Variants in MUC22 observed in about 807,000 individuals in gnomAD.
MUC22 encodes the protein mucin-22.
In MUC22, 24 loss-of-function variants were observed where a neutral mutation model predicts 40.3. The ratio of observed to expected loss-of-function variants is 0.60; its 90% CI spans 0.43 to 0.84. The LOEUF (loss-of-function observed/expected upper bound fraction) is 0.84, where lower values mean the gene tolerates loss of function less well. Among genes scored for constraint, MUC22 ranks in the 40% least tolerant of loss-of-function variants. MUC22 has a pLI of 0.00. For missense variants in MUC22, 1,926 were observed against 2,130.7 expected (o/e 0.90, Z 1.89); for synonymous variants, 765 against 844.5 (o/e 0.91, Z 1.63).
At position 31,010,554 on chromosome 6, in the gene MUC22, AC is replaced by A. The variant is rs1763794996; in HGVS notation, c.-150del. 1 of 608,472 alleles carries A rather than the reference AC, an allele frequency of 1.6e-6. No individual in the cohort carries two copies. Among genetic ancestry groups the A allele is most frequent in the African/African-American group, 1.8e-5 (1 of 54,460 alleles). The allele number at this position is 608,472 out of a possible 1,614,324, so 37.7% of individuals were successfully genotyped here. A position where few individuals can be genotyped will look rare whatever the true frequency, so the allele number is the denominator to read the frequency against. The stretch of plus-strand genomic sequence containing the variant: ...ACCATGCCATCTGCCTACAAGGCTT[AC>A]CCTGGCACTGGCTGGCCTTTGGGTC... On this transcript the variant is annotated 5_prime_UTR_variant, in exon 1 of 4. The change creates a premature stop within an existing upstream ORF in the 5' untranslated region. Coordinates refer to ENST00000561890, the Ensembl canonical transcript of MUC22.
chr6:31,008,938 G>GA (rs1399480602), upstream of MUC22, among the ~76,000 whole-genome samples: 1 of 152,170 alleles, frequency 6.6e-6, no homozygotes, highest in African/African-American at 2.4e-5. Flanking sequence ...GTGTTGATTT[G>GA]ATGAGTATAC....
rs28381569 is a variant in MUC22 at position 31,013,129 on chromosome 6, C to CTTT, written c.70+2365_70+2367dup. Among the ~76,000 whole-genome samples, 917 of 121,366 alleles carry CTTT rather than the reference C, an allele frequency of 7.6e-3. 25 individuals carry two copies. Among genetic ancestry groups the CTTT allele is most frequent in the African/African-American group, 0.023 (834 of 35,606 alleles). The allele number at this position is 121,366 out of a possible 152,430, so 79.6% of individuals were successfully genotyped here. A position where few individuals can be genotyped will look rare whatever the true frequency, so the allele number is the denominator to read the frequency against. Reference sequence around the variant, plus strand: ...CTCCACTCTCCTCCTCACCCCCATTCTTTTTTTTTTTTTTGGAGATGGAGT... The same window carrying CTTT: ...CTCCACTCTCCTCCTCACCCCCATTCTTTTTTTTTTTTTTTTTGGAGATGGAGT... On this transcript the variant is annotated intron_variant, in intron 1 of 3. Coordinates refer to ENST00000561890, the Ensembl canonical transcript of MUC22.
At chr6:31,022,459 CA>C (rs1764917786) in intron 1 of MUC22, among the ~76,000 whole-genome samples, 1 of 148,204 alleles carries the variant, frequency 6.7e-6, no homozygotes. Context: ...GCAAGACTGA[CA>C]TTTTTTTTTA....
chr6:31,010,824 A>G, intron 1 of MUC22, 48 bp downstream of exon 1: 1 of 701,778 alleles, frequency 1.4e-6, no homozygotes. Context: ...GAGGCCACAT[A>G]AGCCCTGAAG....
intron 1 of MUC22, among the ~76,000 whole-genome samples, chr6:31,017,075 C>T (rs1248603996): frequency 1.3e-5 from 2 of 152,256 alleles, no homozygotes; most frequent in Non-Finnish European, 1.5e-5. Flanking sequence ...ATGCCTGAGC[C>T]TCCCCCACGC....
exon 2 of MUC22, chr6:31,025,572 C>T: frequency 6.6e-7 from 1 of 1,525,718 alleles, no homozygotes; most frequent in South Asian, 1.2e-5. Context: ...GCTCTGAGAC[C>T]ACCATGGCCT....
upstream of MUC22, among the ~76,000 whole-genome samples, chr6:31,007,013 G>A (rs975099422): frequency 1.3e-5 from 2 of 152,052 alleles, no homozygotes; most frequent in African/African-American, 4.8e-5. The surrounding 1 kb of genome is among the most constrained non-coding windows in gnomAD (Gnocchi z 4.0). Flanking sequence ...TTTAAAAAAA[G>A]GATAATGATG....
At chr6:31,021,857 C>T (rs1210546003) in intron 1 of MUC22, among the ~76,000 whole-genome samples, 3 of 152,204 alleles carry the variant, frequency 2.0e-5, no homozygotes, top group South Asian at 2.1e-4. Context: ...TCGTTTTCCA[C>T]ACTGTGGAAA....
chr6:31,022,238 T>C (rs909651788), intron 1 of MUC22, among the ~76,000 whole-genome samples: 26 of 152,132 alleles, frequency 1.7e-4, no homozygotes, highest in Non-Finnish European at 2.5e-4. Context: ...AACCCACCAA[T>C]TCCAGACACA....
intron 1 of MUC22, among the ~76,000 whole-genome samples, chr6:31,018,487 A>T (rs3873345): frequency 6.6e-6 from 1 of 152,076 alleles, no homozygotes; most frequent in Admixed American, 6.5e-5. Flanking sequence ...GTTGTGTTGG[A>T]GAGTTACCAC....
chr6:31,016,645 C>T (rs9262470), intron 1 of MUC22, among the ~76,000 whole-genome samples: 22,107 of 152,254 alleles, frequency 0.15, 1,768 homozygotes, highest in African/African-American at 0.19. Context: ...TGCTGGCAGC[C>T]CTCGCTCAGT....
In MUC22 at chr6:31,021,950, C is replaced by T. The variant is rs139956586; in HGVS notation, c.71-3552C>T. Among the ~76,000 whole-genome samples the T allele has an allele frequency of 4.1e-4, 63 of 152,238 alleles. 1 individual carries two copies. The highest frequency in any genetic ancestry group is 6.9e-4 in the Non-Finnish European group (47 of 68,022). ...CTGTTTTTATGATCTGTAACACTCACCGTAAAGGTCTGCAGCTTCACTCCT... is the reference window on the plus strand; with the variant it reads ...CTGTTTTTATGATCTGTAACACTCATCGTAAAGGTCTGCAGCTTCACTCCT... On this transcript the variant is annotated intron_variant, in intron 1 of 3. Coordinates refer to ENST00000561890, the Ensembl canonical transcript of MUC22.
chr6:31,025,365 C>A (rs1324682967), intron 1 of MUC22, 137 bp from the exon 2 acceptor site: 3 of 991,936 alleles, frequency 3.0e-6, no homozygotes, highest in African/African-American at 1.6e-5. Flanking sequence ...AGTAAAATAC[C>A]AGGTACATGT....
chr6:31,010,800 G>A, intron 1 of MUC22, 24 bp downstream of exon 1: 1 of 702,546 alleles, frequency 1.4e-6, no homozygotes, highest in African/African-American at 1.7e-5. Flanking sequence ...CAGTTAAGGA[G>A]GGAGAGGGGC....
chr6:31,022,781 G>T (rs923517694), intron 1 of MUC22, among the ~76,000 whole-genome samples: 1 of 147,598 alleles, frequency 6.8e-6, no homozygotes, highest in Non-Finnish European at 1.5e-5. Context: ...TAGAGCAAAG[G>T]CACACAAATA....
upstream of MUC22, among the ~76,000 whole-genome samples, chr6:31,005,953 C>T (rs1414868533): frequency 6.6e-6 from 1 of 152,016 alleles, no homozygotes; most frequent in Non-Finnish European, 1.5e-5. Flanking sequence ...ACTAAAAATA[C>T]AAAAACTAGC....
In MUC22 at chr6:31,026,332, T is replaced by TC; in HGVS notation, c.906dup (p.Thr303HisfsTer14). The TC allele has an allele frequency of 1.3e-6, 2 of 1,505,606 alleles. No homozygotes were observed. The highest frequency in any genetic ancestry group is 1.8e-6 in the Non-Finnish European group (2 of 1,128,128). The allele number at this position is 1,505,606 out of a possible 1,614,324, so 93.3% of individuals were successfully genotyped here. On this transcript the variant is annotated frameshift_variant, in exon 2 of 4. Transcript: ENST00000561890. LOFTEE classifies it high-confidence loss of function. ...AGCAGGTTCTGAGACCACCACCCCCTCCCCCACAGGCTCTCAGACCACCAT... is the reference window on the plus strand; with the variant it reads ...AGCAGGTTCTGAGACCACCACCCCCTCCCCCCACAGGCTCTCAGACCACCAT...
upstream of MUC22, among the ~76,000 whole-genome samples, chr6:31,007,302 G>A (rs1763582528): frequency 6.6e-6 from 1 of 152,200 alleles, no homozygotes; most frequent in Non-Finnish European, 1.5e-5. This position sits in a 1 kb window ranked among gnomAD's most constrained non-coding sequence, Gnocchi z 4.0. Context: ...AGCTGAAGAA[G>A]CTTAAGCAGC....
chr6:31,008,314 A>T (rs577672623), upstream of MUC22, among the ~76,000 whole-genome samples: 1 of 152,348 alleles, frequency 6.6e-6, no homozygotes, highest in South Asian at 2.1e-4. Flanking sequence ...ATGCCAATGC[A>T]GGATCCCAGT....
Sources: gnomAD v4.1 joint callset for allele counts (sites outside exome capture counted in the v4.1 genomes callset) on GRCh38, gnomAD v4.1.1 for gene constraint, Gnocchi (gnomAD v3.1) non-coding constraint, MANE v1.5 for transcripts, NCBI Gene and HGNC (gene_info 2026-07-23, HGNC 2026-07-21) for gene names.